Variants in TMEM117 observed in about 807,000 individuals in gnomAD.
TMEM117 encodes transmembrane protein 117.
Under a neutral mutation model 52.4 loss-of-function variants are expected in TMEM117, and 27 were observed. The observed-to-expected ratio is 0.51, with a 90% CI of 0.38 to 0.71. The LOEUF (loss-of-function observed/expected upper bound fraction) is 0.71. TMEM117 is among the 30% of genes least tolerant of loss of function. The probability of loss-of-function intolerance (pLI) is 0.00; values close to 1 mark genes in which losing one functional copy is unlikely to be tolerated. For synonymous variants in TMEM117, 215 were observed against 206.3 expected (o/e 1.04, Z -0.36); for missense variants, 556 against 630.5 (o/e 0.88, Z 1.26).
chr12:44,082,702 C>G (rs1947501558), intron 3 of TMEM117, among the ~76,000 whole-genome samples: 1 of 152,030 alleles, frequency 6.6e-6, no homozygotes, highest in Non-Finnish European at 1.5e-5. Context: ...AAATATAATT[C>G]ATGCAACATG....
At chr12:43,992,009 A>G (rs1335426881) in intron 3 of TMEM117, among the ~76,000 whole-genome samples, 1 of 151,998 alleles carries the variant, frequency 6.6e-6, no homozygotes, top group Non-Finnish European at 1.5e-5. Flanking sequence ...AAAAATATAC[A>G]AAAATTAGCT....
intron 2 of TMEM117, among the ~76,000 whole-genome samples, chr12:43,932,858 A>G (rs1944893106): frequency 6.6e-6 from 1 of 152,196 alleles, no homozygotes; most frequent in South Asian, 2.1e-4. Flanking sequence ...GACTTAGAGG[A>G]CTTGTGGAAA....
chr12:44,254,234 C>A (rs1950230785), intron 5 of TMEM117, among the ~76,000 whole-genome samples: 1 of 151,820 alleles, frequency 6.6e-6, no homozygotes, highest in African/African-American at 2.4e-5. Context: ...AAATAGTTAT[C>A]AACAAAATTG....
At chr12:44,288,971 T>C (rs77665108) in intron 5 of TMEM117, among the ~76,000 whole-genome samples, 4,279 of 152,198 alleles carry the variant, frequency 0.028, 96 homozygotes, top group African/African-American at 0.055. Flanking sequence ...TCAGAACCTA[T>C]TCACTTATAA....
intron 2 of TMEM117, among the ~76,000 whole-genome samples, chr12:43,896,071 C>T (rs1249987097): frequency 6.6e-6 from 1 of 152,206 alleles, no homozygotes; most frequent in African/African-American, 2.4e-5. Context: ...TCTCCTTTGG[C>T]AGCACCCTTA....
chr12:44,255,330 C>T (rs1950247351), intron 5 of TMEM117, among the ~76,000 whole-genome samples: 1 of 152,016 alleles, frequency 6.6e-6, no homozygotes, highest in African/African-American at 2.4e-5. Flanking sequence ...AGGATATGAA[C>T]AGACACTTCT....
intron 4 of TMEM117, 79 bp downstream of exon 4, chr12:44,143,703 A>G (rs1592554127): frequency 1.0e-6 from 1 of 997,176 alleles, no homozygotes; most frequent in Non-Finnish European, 1.5e-6. Context: ...ACTGCTTTTG[A>G]TGATGTAGAG....
intron 3 of TMEM117, among the ~76,000 whole-genome samples, chr12:44,115,735 T>C (rs768206747): frequency 6.6e-6 from 1 of 152,210 alleles, no homozygotes; most frequent in Non-Finnish European, 1.5e-5. Context: ...TCATTTACTC[T>C]TTGATTAAGT....
At chr12:43,811,985 G>T in the TMEM117 span, among the ~76,000 whole-genome samples, 3 of 152,006 alleles carry the variant, frequency 2.0e-5, no homozygotes, top group African/African-American at 7.3e-5. Context: ...TGAAAACATT[G>T]TAAGAGATAC....
chr12:43,984,693 A>G (rs1313321921), intron 3 of TMEM117, among the ~76,000 whole-genome samples: 1 of 152,210 alleles, frequency 6.6e-6, no homozygotes, highest in Non-Finnish European at 1.5e-5. Flanking sequence ...TTTGGATGTA[A>G]TGCCTTGTGT....
intron 2 of TMEM117, among the ~76,000 whole-genome samples, chr12:43,872,866 T>C (rs1346279421): frequency 6.6e-6 from 1 of 152,150 alleles, no homozygotes; most frequent in Non-Finnish European, 1.5e-5. Flanking sequence ...CTTTCTTTTT[T>C]CCCCTCTTGA....
rs555651746 is a variant in TMEM117 at position 44,227,613 on chromosome 12, A to G, written c.608+16226A>G. On this transcript the variant is annotated intron_variant, in intron 5 of 7. Coordinates refer to ENST00000266534, the MANE Select transcript of TMEM117 (RefSeq NM_032256.3). The stretch of plus-strand genomic sequence containing the variant: ...GCAGAACAAACTTTACTGAAAAGAA[A>G]TCTCATACTTCTATATTTGAACAAT... Among the ~76,000 whole-genome samples the G allele has an allele frequency of 1.3e-4, 20 of 152,270 alleles. No individual in the cohort carries two copies. The East Asian group carries it at 3.3e-3, about 25-fold the overall frequency.
rs1011511611 is a variant in TMEM117, at chr12:44,301,522, A to G, written c.768+1783A>G. Among the ~76,000 whole-genome samples the G allele has an allele frequency of 1.1e-4, 16 of 152,318 alleles. No individual in the cohort carries two copies. In the East Asian group the frequency reaches 3.1e-3, roughly 29 times the overall value. ...TTAAGTTTGGACCATTTTGGCTACA[A>G]GTAGCAATAACCCGGCCAAGCTAAC... On this transcript the variant is annotated intron_variant, in intron 6 of 7. Coordinates refer to ENST00000266534, the MANE Select transcript of TMEM117 (RefSeq NM_032256.3).
intron 3 of TMEM117, among the ~76,000 whole-genome samples, chr12:43,985,193 G>A (rs1473400976): frequency 1.3e-5 from 2 of 151,912 alleles, no homozygotes; most frequent in Admixed American, 6.6e-5. Flanking sequence ...TTTTAAAGCC[G>A]TTATCTTCTG....
chr12:44,183,016 A>C (rs1452894652), intron 4 of TMEM117, among the ~76,000 whole-genome samples: 1 of 152,168 alleles, frequency 6.6e-6, no homozygotes, highest in African/African-American at 2.4e-5. Flanking sequence ...ATCATTTATA[A>C]GCAGCAATTG....
At chr12:44,398,217 A>C in the TMEM117 span, among the ~76,000 whole-genome samples, 2 of 151,668 alleles carry the variant, frequency 1.3e-5, no homozygotes, top group Non-Finnish European at 2.9e-5. Flanking sequence ...GCCCAATTCC[A>C]CTGCAGGTTC....
rs372750391 is a variant in TMEM117 at position 44,196,364 on chromosome 12, T to C, written c.511-14926T>C. Reference sequence around the variant, plus strand: ...GCTAATAAAACTAACAAATATAAGATTAATCCAGATTAAAAGAGTACAAAT... The same window carrying C: ...GCTAATAAAACTAACAAATATAAGACTAATCCAGATTAAAAGAGTACAAAT... On this transcript the variant is annotated intron_variant, in intron 4 of 7. Transcript: ENST00000266534. Among the ~76,000 whole-genome samples, 10 of 152,092 alleles carry C rather than the reference T, an allele frequency of 6.6e-5. No individual in the cohort carries two copies. The East Asian group carries it at 1.7e-3, about 26-fold the overall frequency.
intron 2 of TMEM117, among the ~76,000 whole-genome samples, chr12:43,912,060 T>C (rs374326271): frequency 0.012 from 1,531 of 131,894 alleles, 26 homozygotes; most frequent in East Asian, 0.051. Flanking sequence ...ATGTTTATTG[T>C]GGCACTATTC....
intron 5 of TMEM117, among the ~76,000 whole-genome samples, chr12:44,222,015 T>C (rs778042347): frequency 6.6e-6 from 1 of 152,120 alleles, no homozygotes; most frequent in Non-Finnish European, 1.5e-5. Context: ...CCTCTTTCAC[T>C]CCATCTTCTT....
Sources: allele counts gnomAD v4.1 joint callset (sites outside exome capture counted in the v4.1 genomes callset), GRCh38; gene constraint gnomAD v4.1.1; transcripts MANE v1.5; gene names NCBI Gene and HGNC (gene_info 2026-07-23, HGNC 2026-07-21).